The following SNTB1 variants were observed in gnomAD, a reference collection of about 807,000 sequenced individuals.
SNTB1 encodes the protein syntrophin beta 1, also known as beta-1-syntrophin.
In SNTB1, 36 loss-of-function variants were observed where a neutral mutation model predicts 48.9. The ratio of observed to expected loss-of-function variants is 0.74; its 90% CI spans 0.56 to 0.97. The LOEUF (loss-of-function observed/expected upper bound fraction) is 0.97. Ranked by LOEUF, SNTB1 falls within the 50% of genes least tolerant of loss-of-function variation. The probability of loss-of-function intolerance (pLI) is 0.00; values close to 1 mark genes in which losing one functional copy is unlikely to be tolerated. For missense variants in SNTB1, 786 were observed against 703.4 expected, an observed-to-expected ratio of 1.12 and a Z score of -1.33; for synonymous variants, 299 against 294.6, an observed-to-expected ratio of 1.01 and a Z score of -0.15.
chr8:120,544,037 C>T (rs1237749712), intron 5 of SNTB1, among the ~76,000 whole-genome samples: 4 of 151,778 alleles, frequency 2.6e-5, no homozygotes, highest in African/African-American at 9.7e-5. Flanking sequence ...AGGATCCTTC[C>T]GCCTCAGTCT....
chr8:120,774,558 A>G (rs1046332217), intron 1 of SNTB1, among the ~76,000 whole-genome samples: 3 of 152,064 alleles, frequency 2.0e-5, no homozygotes, highest in African/African-American at 7.2e-5. Context: ...ATGAGAGAGG[A>G]GTGTAAGGTG....
chr8:120,807,361 T>C (rs1419568347), intron 1 of SNTB1, among the ~76,000 whole-genome samples: 1 of 152,246 alleles, frequency 6.6e-6, no homozygotes, highest in African/African-American at 2.4e-5. Flanking sequence ...GAGGGTGCGA[T>C]TGACACTATG....
intron 1 of SNTB1, among the ~76,000 whole-genome samples, chr8:120,729,834 A>AG (rs1231306745): frequency 3.3e-5 from 5 of 152,254 alleles, no homozygotes; most frequent in African/African-American, 9.6e-5. Flanking sequence ...AGGGACACTC[A>AG]GTTTGTTAGA....
intron 3 of SNTB1, among the ~76,000 whole-genome samples, chr8:120,624,223 CCACCG>C (rs1816838735): frequency 6.6e-6 from 1 of 152,154 alleles, no homozygotes; most frequent in Non-Finnish European, 1.5e-5. Context: ...CAGGCATGAA[CCACCG>C]CACCTGCCCG....
intron 1 of SNTB1, among the ~76,000 whole-genome samples, chr8:120,740,578 GCTTA>G (rs932382728): frequency 2.0e-4 from 30 of 152,186 alleles, no homozygotes; most frequent in Admixed American, 1.9e-3. Context: ...ACTGGAACTG[GCTTA>G]CAGGCCATGG....
chr8:120,807,237 T>C (rs1050051223), intron 1 of SNTB1, among the ~76,000 whole-genome samples: 4 of 152,208 alleles, frequency 2.6e-5, no homozygotes, highest in African/African-American at 9.6e-5. Flanking sequence ...TACAAAAAAG[T>C]CGACCTATTT....
At chr8:120,561,499 A>C (rs945439862) in intron 4 of SNTB1, among the ~76,000 whole-genome samples, 8 of 151,984 alleles carry the variant, frequency 5.3e-5, no homozygotes, top group Non-Finnish European at 1.0e-4. Context: ...CATCTTGGGA[A>C]ATTTTTCCTT....
intron 1 of SNTB1, among the ~76,000 whole-genome samples, chr8:120,725,809 A>G (rs1818746008): frequency 1.3e-5 from 2 of 152,206 alleles, no homozygotes; most frequent in South Asian, 4.1e-4. Context: ...ACCTTAAGGC[A>G]ACTCCTTCAT....
intron 1 of SNTB1, among the ~76,000 whole-genome samples, chr8:120,734,020 T>A (rs1818896376): frequency 1.3e-5 from 2 of 152,176 alleles, no homozygotes; most frequent in African/African-American, 4.8e-5. Context: ...GATCAACAAA[T>A]GTAAAGAACT....
intron 3 of SNTB1, among the ~76,000 whole-genome samples, chr8:120,579,379 A>G (rs1440879071): frequency 1.3e-5 from 2 of 152,136 alleles, no homozygotes; most frequent in Non-Finnish European, 2.9e-5. Flanking sequence ...TGTCTCTTCT[A>G]AAATATCTAG....
intron 1 of SNTB1, among the ~76,000 whole-genome samples, chr8:120,774,965 T>A (rs183566312): frequency 1.7e-4 from 26 of 152,184 alleles, no homozygotes; most frequent in Admixed American, 1.6e-3. Context: ...GAAGAGCAGG[T>A]TTCTAGGGGA....
intron 2 of SNTB1, among the ~76,000 whole-genome samples, chr8:120,647,377 A>C (rs1293833788): frequency 6.7e-6 from 1 of 149,886 alleles, no homozygotes. Flanking sequence ...CTTTGTTCTC[A>C]TTGGTTTCAA....
At position 120,605,337 on chromosome 8, in the gene SNTB1, TTA is replaced by T. The variant is rs555483739; in HGVS notation, c.996+27105_996+27106del. Among the ~76,000 whole-genome samples the T allele has an allele frequency of 3.1e-3, 474 of 152,316 alleles. 4 individuals carry two copies. The highest frequency in any genetic ancestry group is 0.011 in the African/African-American group (457 of 41,556). On this transcript the variant is annotated intron_variant, in intron 3 of 6. Coordinates refer to ENST00000517992, the MANE Select transcript of SNTB1 (RefSeq NM_021021.4). ...GCTTGTCTCTGAAAGGAGGTTTTAC[TTA>T]CTCCATTTCCTATGGAGACATCAAG...
intron 1 of SNTB1, among the ~76,000 whole-genome samples, chr8:120,758,141 A>C (rs947376515): frequency 2.6e-5 from 4 of 152,232 alleles, no homozygotes; most frequent in Admixed American, 6.5e-5. Context: ...GGAGGGAAAA[A>C]GATGAAAAAT....
chr8:120,669,074 G>A (rs4871092), intron 2 of SNTB1, among the ~76,000 whole-genome samples: 90,395 of 152,002 alleles, frequency 0.59, 27,437 homozygotes, highest in South Asian at 0.71. Context: ...TCTCCATGGG[G>A]GCTCCAGCTT....
chr8:120,567,978 T>C (rs1448322565), intron 4 of SNTB1, among the ~76,000 whole-genome samples: 3 of 152,182 alleles, frequency 2.0e-5, no homozygotes, highest in South Asian at 4.1e-4. Flanking sequence ...TACATACTTA[T>C]GTGGTCATAT....
At chr8:120,580,744 G>A (rs1816034894) in intron 3 of SNTB1, among the ~76,000 whole-genome samples, 1 of 152,162 alleles carries the variant, frequency 6.6e-6, no homozygotes, top group African/African-American at 2.4e-5. Flanking sequence ...ACTTCTAAAT[G>A]CTTTACAAAC....
intron 2 of SNTB1, among the ~76,000 whole-genome samples, chr8:120,668,820 A>G (rs374430477): frequency 1.2e-4 from 19 of 152,346 alleles, no homozygotes; most frequent in African/African-American, 4.6e-4. Flanking sequence ...GCCTTAGTAA[A>G]AAGACTTAGG....
At chr8:120,679,321 T>C (rs1041424293) in intron 2 of SNTB1, among the ~76,000 whole-genome samples, 3 of 152,106 alleles carry the variant, frequency 2.0e-5, no homozygotes, top group Admixed American at 2.0e-4. Context: ...GGAAATCCAG[T>C]AAGGAACACA....
Sources: gnomAD v4.1 joint callset for allele counts (sites outside exome capture counted in the v4.1 genomes callset) on GRCh38, gnomAD v4.1.1 for gene constraint, MANE v1.5 for transcripts, NCBI Gene and HGNC (gene_info 2026-07-23, HGNC 2026-07-21) for gene names.